Variants in CAMTA1 observed in about 807,000 individuals in gnomAD.
The protein encoded by CAMTA1 is calmodulin binding transcription activator 1, also known as calmodulin-binding transcription activator 1.
In CAMTA1, 27 loss-of-function variants were observed where a neutral mutation model predicts 170.9. That is an observed-to-expected ratio of 0.16 (90% CI 0.12 to 0.22). The LOEUF (loss-of-function observed/expected upper bound fraction) is 0.22, where lower values mean the gene tolerates loss of function less well. Among genes scored for constraint, CAMTA1 ranks in the 10% least tolerant of loss-of-function variants. CAMTA1 has a pLI of 1.00. For synonymous variants in CAMTA1, 833 were observed against 891.5 expected, an observed-to-expected ratio of 0.93 and a Z score of 1.17; for missense variants, 1,619 against 2,217.2, an observed-to-expected ratio of 0.73 and a Z score of 5.42.
chr1:7,535,190 T>C (rs991108087), intron 6 of CAMTA1, among the ~76,000 whole-genome samples: 4 of 152,166 alleles, frequency 2.6e-5, no homozygotes, highest in African/African-American at 9.6e-5. Context: ...AATGAACGAA[T>C]GACTCTGGTG....
At chr1:7,088,870 C>T (rs1428466620) in intron 3 of CAMTA1, among the ~76,000 whole-genome samples, 2 of 152,212 alleles carry the variant, frequency 1.3e-5, no homozygotes, top group African/African-American at 2.4e-5. Flanking sequence ...AGTAAATCCA[C>T]GTACTGACTC....
intron 5 of CAMTA1, among the ~76,000 whole-genome samples, chr1:7,262,250 A>G (rs1668280497): frequency 6.6e-6 from 1 of 151,952 alleles, no homozygotes; most frequent in South Asian, 2.1e-4. Flanking sequence ...TTCTTTCATC[A>G]CTGTGACATA....
At chr1:7,375,928 G>A (rs2086812311) in intron 5 of CAMTA1, among the ~76,000 whole-genome samples, 1 of 152,198 alleles carries the variant, frequency 6.6e-6, no homozygotes, top group East Asian at 1.9e-4. Context: ...AGCGGACTGG[G>A]GCAAGGGCCA....
intron 3 of CAMTA1, among the ~76,000 whole-genome samples, chr1:7,012,622 G>A (rs535249103): frequency 1.5e-4 from 23 of 152,280 alleles, no homozygotes; most frequent in African/African-American, 4.6e-4. Context: ...GCCCTTGCCT[G>A]TCGGCAGCCT....
rs1475615195 is a variant in CAMTA1 at position 7,681,808 on chromosome 1, T to TG, written c.2914+4076dup. Among the ~76,000 whole-genome samples the TG allele has an allele frequency of 6.6e-6, 1 of 152,216 alleles. No homozygotes were observed. The highest frequency in any genetic ancestry group is 2.4e-5 in the African/African-American group (1 of 41,462). On this transcript the variant is annotated intron_variant, in intron 11 of 22. Transcript: ENST00000303635. This position sits in a 1 kb window ranked among gnomAD's most constrained non-coding sequence, Gnocchi z 4.6. ...AGAATAAACCCAGGCAGTTCAACAC[T>TG]GCAGCCCTGGAGCTGAGGGGATGGG...
rs2096217898 is a variant in CAMTA1 at position 7,682,507 on chromosome 1, C to A, written c.2914+4774C>A. On this transcript the variant is annotated intron_variant, in intron 11 of 22. Transcript: ENST00000303635. The surrounding 1 kb of genome is among the most constrained non-coding windows in gnomAD (Gnocchi z 5.0). ...GGGGCAGCCCCTAGCTCTGCCCCCA[C>A]TTCGGAGCTGCCACCTTAGGTGTGA... 6.6e-6 allele frequency among the ~76,000 whole-genome samples: 1 copy of A among 152,392 alleles called. No homozygotes were observed. The highest frequency in any genetic ancestry group is 1.9e-4 in the East Asian group (1 of 5,186).
intron 16 of CAMTA1, among the ~76,000 whole-genome samples, chr1:7,740,454 A>G (rs949315682): frequency 2.0e-5 from 3 of 152,180 alleles, no homozygotes; most frequent in African/African-American, 4.8e-5. Context: ...AAACTGAGCA[A>G]TCTAGAACTA....
chr1:7,099,108 G>T (rs1003146773), intron 4 of CAMTA1, among the ~76,000 whole-genome samples: 3 of 152,012 alleles, frequency 2.0e-5, no homozygotes, highest in Admixed American at 2.0e-4. Flanking sequence ...GAGTGCAATC[G>T]TGTGATCTCG....
chr1:7,423,567 A>G (rs1017893018), intron 5 of CAMTA1, among the ~76,000 whole-genome samples: 5 of 151,292 alleles, frequency 3.3e-5, no homozygotes, highest in South Asian at 2.1e-4. Context: ...CTCATTCTCT[A>G]TTGTTCTACT....
intron 5 of CAMTA1, among the ~76,000 whole-genome samples, chr1:7,428,903 ATGTTATTTTCTCTGGTC>A (rs2092011758): frequency 6.6e-6 from 1 of 152,176 alleles, no homozygotes; most frequent in Non-Finnish European, 1.5e-5. Context: ...TTATTATTAA[ATGTTATTTTCTCTGGTC>A]TGCTGGCAGC....
intron 6 of CAMTA1, among the ~76,000 whole-genome samples, chr1:7,630,213 C>T (rs528675844): frequency 6.6e-6 from 1 of 152,314 alleles, no homozygotes; most frequent in South Asian, 2.1e-4. Context: ...CCCTCTCAGC[C>T]TTTGGGTGGG....
At chr1:7,579,780 G>A (rs1000843783) in intron 6 of CAMTA1, among the ~76,000 whole-genome samples, 4 of 151,962 alleles carry the variant, frequency 2.6e-5, no homozygotes, top group African/African-American at 9.7e-5. Context: ...GGCTGGTCTC[G>A]AACTCCTGAC....
chr1:6,844,652 C>T (rs535847040), intron 3 of CAMTA1, among the ~76,000 whole-genome samples: 10 of 142,220 alleles, frequency 7.0e-5, no homozygotes, highest in African/African-American at 2.6e-4. Context: ...TGCCACTACA[C>T]TCCAGCTTGG....
intron 4 of CAMTA1, among the ~76,000 whole-genome samples, chr1:7,207,048 T>G (rs1360898971): frequency 6.6e-6 from 1 of 152,210 alleles, no homozygotes; most frequent in Non-Finnish European, 1.5e-5. Flanking sequence ...CTGTAAAAAT[T>G]AAACACTTTA....
chr1:7,323,058 T>G (rs78599456), intron 5 of CAMTA1, among the ~76,000 whole-genome samples: 2,196 of 150,986 alleles, frequency 0.015, 46 homozygotes, highest in African/African-American at 0.051. Context: ...TTGATTCAAT[T>G]TTTCCCATGT....
At chr1:6,883,432 T>C (rs1419217445) in intron 3 of CAMTA1, among the ~76,000 whole-genome samples, 2 of 151,964 alleles carry the variant, frequency 1.3e-5, no homozygotes, top group Non-Finnish European at 1.5e-5. Context: ...GCAGCCTAAG[T>C]GTAGGGCAGG....
chr1:6,789,084 A>G (rs1043405548), intron 1 of CAMTA1, among the ~76,000 whole-genome samples: 4 of 152,142 alleles, frequency 2.6e-5, no homozygotes, highest in Admixed American at 2.6e-4. Flanking sequence ...AACCTTACTT[A>G]TCCTGCTTCT....
chr1:7,267,968 A>C (rs1330376982), intron 5 of CAMTA1, among the ~76,000 whole-genome samples: 2 of 152,214 alleles, frequency 1.3e-5, no homozygotes, highest in African/African-American at 4.8e-5. Flanking sequence ...GGCCATGGCA[A>C]AGTAACTGGT....
intron 5 of CAMTA1, among the ~76,000 whole-genome samples, chr1:7,308,858 G>A (rs937139539): frequency 8.5e-5 from 13 of 152,214 alleles, no homozygotes; most frequent in East Asian, 3.8e-4. Context: ...CTATTGAGTT[G>A]TTCTATGACT....
Sources: allele counts gnomAD v4.1 joint callset (sites outside exome capture counted in the v4.1 genomes callset), GRCh38; gene constraint gnomAD v4.1.1; non-coding constraint Gnocchi (gnomAD v3.1); transcripts MANE v1.5; gene names NCBI Gene and HGNC (gene_info 2026-07-23, HGNC 2026-07-21).